The following SUGCT variants were observed in gnomAD, a reference collection of about 807,000 sequenced individuals.
SUGCT encodes the protein succinyl-CoA:glutarate CoA-transferase.
SUGCT carries 41 observed loss-of-function variants against 55.0 expected under a neutral mutation model. The observed-to-expected ratio is 0.74, with a 90% CI of 0.58 to 0.97. The LOEUF is 0.97. SUGCT is among the 50% of genes least tolerant of loss of function. The probability of loss-of-function intolerance (pLI) is 0.00; values close to 1 mark genes in which losing one functional copy is unlikely to be tolerated. For missense variants in SUGCT, 568 were observed against 547.8 expected (o/e 1.04, Z -0.37); for synonymous variants, 187 against 200.4 (o/e 0.93, Z 0.56).
chr7:40,387,585 C>A (rs576643183), intron 9 of SUGCT, among the ~76,000 whole-genome samples: 6 of 152,226 alleles, frequency 3.9e-5, no homozygotes, highest in Non-Finnish European at 8.8e-5. Context: ...TCTTGCTGAA[C>A]CCTTTGGAGT....
chr7:40,468,173 C>T (rs1255787122), intron 11 of SUGCT, among the ~76,000 whole-genome samples: 2 of 152,016 alleles, frequency 1.3e-5, no homozygotes, highest in Non-Finnish European at 2.9e-5. Context: ...TTAATAGCCT[C>T]CACGAAAAGC....
chr7:40,668,918 T>G (rs1801787423), intron 12 of SUGCT, among the ~76,000 whole-genome samples: 2 of 152,138 alleles, frequency 1.3e-5, no homozygotes, highest in South Asian at 4.1e-4. Context: ...CAGGGTATAA[T>G]GAGACACTCC....
chr7:40,402,868 C>T (rs1786157440), intron 9 of SUGCT, among the ~76,000 whole-genome samples: 1 of 152,152 alleles, frequency 6.6e-6, no homozygotes, highest in Non-Finnish European at 1.5e-5. Flanking sequence ...TGCCAACTTT[C>T]TGATTTATGT....
At chr7:41,023,606 A>G in the SUGCT span, among the ~76,000 whole-genome samples, 4,387 of 152,336 alleles carry the variant, frequency 0.029, 78 homozygotes, top group Non-Finnish European at 0.047. Flanking sequence ...GTAAGGAGCG[A>G]TGGACAAATT....
At chr7:40,404,559 C>T (rs1245989023) in intron 9 of SUGCT, among the ~76,000 whole-genome samples, 2 of 152,056 alleles carry the variant, frequency 1.3e-5, no homozygotes, top group African/African-American at 2.4e-5. Context: ...GCCTCAGCCT[C>T]CCTAGCAGCT....
chr7:40,203,161 A>G (rs1418458574), intron 6 of SUGCT, among the ~76,000 whole-genome samples: 1 of 152,210 alleles, frequency 6.6e-6, no homozygotes, highest in African/African-American at 2.4e-5. Context: ...CCTAGCATAC[A>G]ATAACAACTC....
At chr7:40,278,588 C>T (rs1037227039) in intron 8 of SUGCT, among the ~76,000 whole-genome samples, 4 of 152,140 alleles carry the variant, frequency 2.6e-5, no homozygotes, top group Non-Finnish European at 5.9e-5. Context: ...TTGCTGCATC[C>T]TGAGCTCTGT....
chr7:40,440,252 C>T (rs1352390322), intron 9 of SUGCT, among the ~76,000 whole-genome samples: 1 of 144,666 alleles, frequency 6.9e-6, no homozygotes, highest in African/African-American at 2.6e-5. Context: ...CTCTGCTTCC[C>T]GGGTTGAAGT....
At chr7:40,293,909 A>T (rs1396663822) in intron 8 of SUGCT, among the ~76,000 whole-genome samples, 1 of 152,100 alleles carries the variant, frequency 6.6e-6, no homozygotes, top group Non-Finnish European at 1.5e-5. Flanking sequence ...CTACCTCAGG[A>T]CAGGGGACTA....
intron 3 of SUGCT, among the ~76,000 whole-genome samples, chr7:40,182,306 C>A (rs926531124): frequency 2.0e-5 from 3 of 152,170 alleles, no homozygotes; most frequent in African/African-American, 7.2e-5. Context: ...GTGGTTGACG[C>A]CTGTAATCCC....
At chr7:40,958,716 T>C in the SUGCT span, among the ~76,000 whole-genome samples, 4 of 151,902 alleles carry the variant, frequency 2.6e-5, no homozygotes, top group East Asian at 7.8e-4. Context: ...TGGCAAGGAG[T>C]TGTGATCCTT....
At chr7:40,696,523 C>G (rs1349891628) in intron 12 of SUGCT, among the ~76,000 whole-genome samples, 1 of 152,136 alleles carries the variant, frequency 6.6e-6, no homozygotes, top group Non-Finnish European at 1.5e-5. Flanking sequence ...ACACCCAAAG[C>G]CAAAACTAGC....
chr7:40,873,410 C>A, the SUGCT span, among the ~76,000 whole-genome samples: 1 of 152,210 alleles, frequency 6.6e-6, no homozygotes, highest in Non-Finnish European at 1.5e-5. Flanking sequence ...GGAAGGGCAT[C>A]TGGCAACCAG....
intron 9 of SUGCT, among the ~76,000 whole-genome samples, chr7:40,395,489 C>CAA (rs36068766): frequency 0.015 from 657 of 45,104 alleles, 1 homozygote; most frequent in Non-Finnish European, 0.019. Context: ...AACTCTGTCT[C>CAA]AAAAAAAAAA....
At chr7:40,441,302 G>A (rs143371944) in intron 9 of SUGCT, among the ~76,000 whole-genome samples, 292 of 152,176 alleles carry the variant, frequency 1.9e-3, no homozygotes, top group African/African-American at 6.4e-3. Context: ...AATGTCTTGG[G>A]TGGGATTCAT....
intron 13 of SUGCT, among the ~76,000 whole-genome samples, chr7:40,760,035 A>G (rs543914362): frequency 1.3e-5 from 2 of 152,262 alleles, no homozygotes; most frequent in East Asian, 3.9e-4. Context: ...GCTGTTTGGA[A>G]GGGGAATAAA....
intron 13 of SUGCT, among the ~76,000 whole-genome samples, chr7:40,794,497 G>A (rs560873482): frequency 3.9e-5 from 6 of 152,114 alleles, no homozygotes; most frequent in Non-Finnish European, 8.8e-5. Flanking sequence ...GGGAAGCCCA[G>A]CTTTATGGAG....
chr7:40,649,409 G>C (rs10260770), intron 12 of SUGCT, among the ~76,000 whole-genome samples: 6,385 of 152,068 alleles, frequency 0.042, 443 homozygotes, highest in African/African-American at 0.15. Context: ...GATGGGGGGG[G>C]AAGGATTGAG....
intron 13 of SUGCT, among the ~76,000 whole-genome samples, chr7:40,794,797 G>A (rs1342138202): frequency 6.6e-6 from 1 of 151,960 alleles, no homozygotes; most frequent in Non-Finnish European, 1.5e-5. Flanking sequence ...CCTGCGTCGA[G>A]AAGATATTTT....
Sources: allele counts gnomAD v4.1 joint callset (sites outside exome capture counted in the v4.1 genomes callset), GRCh38; gene constraint gnomAD v4.1.1; transcripts MANE v1.5; gene names NCBI Gene and HGNC (gene_info 2026-07-23, HGNC 2026-07-21).